Variants in PCLO observed in about 807,000 individuals in gnomAD.
PCLO encodes the protein piccolo presynaptic cytomatrix protein, also known as protein piccolo.
Under a neutral mutation model 427.5 loss-of-function variants are expected in PCLO, and 82 were observed. The ratio of observed to expected loss-of-function variants is 0.19; its 90% CI spans 0.16 to 0.23. The LOEUF (loss-of-function observed/expected upper bound fraction) is 0.23. PCLO is among the 10% of genes least tolerant of loss of function. PCLO has a pLI of 1.00. For missense variants in PCLO, 6,239 were observed against 6,115.9 expected (o/e 1.02, Z -0.67); for synonymous variants, 2,357 against 2,155.4 (o/e 1.09, Z -2.59).
chr7:82,823,517 G>T (rs191922528), intron 19 of PCLO, among the ~76,000 whole-genome samples: 1 of 152,294 alleles, frequency 6.6e-6, no homozygotes, highest in East Asian at 1.9e-4. Context: ...CACAGAGGCA[G>T]TAGCTCAGTT....
chr7:82,987,008 G>A (rs1796270050), intron 3 of PCLO, among the ~76,000 whole-genome samples: 1 of 151,810 alleles, frequency 6.6e-6, no homozygotes, highest in African/African-American at 2.4e-5. Flanking sequence ...CAAAACAGGT[G>A]AACTATTATA....
At chr7:82,789,939 T>G (rs1777701654) in intron 22 of PCLO, among the ~76,000 whole-genome samples, 1 of 152,230 alleles carries the variant, frequency 6.6e-6, no homozygotes. Flanking sequence ...TAAATCATAC[T>G]TGTGTTTAGT....
chr7:82,914,501 G>T (rs1232492262), intron 7 of PCLO, 185 bp downstream of exon 7: 1 of 668,524 alleles, frequency 1.5e-6, no homozygotes, highest in East Asian at 2.7e-5. Flanking sequence ...ACTAAATAAA[G>T]AAAAGCATGC....
chr7:82,900,005 A>C (rs1794001787), intron 9 of PCLO, among the ~76,000 whole-genome samples: 1 of 151,628 alleles, frequency 6.6e-6, no homozygotes, highest in Non-Finnish European at 1.5e-5. Context: ...GCTGGAGGAA[A>C]CTGAAATTCT....
intron 12 of PCLO, among the ~76,000 whole-genome samples, chr7:82,846,214 C>T (rs984275511): frequency 8.5e-5 from 13 of 152,110 alleles, no homozygotes; most frequent in East Asian, 3.9e-4. Context: ...GAATCAAGTA[C>T]GCTCTAAAAA....
chr7:82,893,857 T>C (rs1380932236), intron 9 of PCLO, among the ~76,000 whole-genome samples: 3 of 152,010 alleles, frequency 2.0e-5, no homozygotes, highest in Admixed American at 6.6e-5. Context: ...GGCTGGTATA[T>C]TAGAAAGAGG....
intron 20 of PCLO, among the ~76,000 whole-genome samples, chr7:82,814,252 TTAA>T (rs1319608330): frequency 1.3e-5 from 2 of 151,586 alleles, no homozygotes; most frequent in Non-Finnish European, 3.0e-5. Flanking sequence ...TTTGTCAATC[TTAA>T]TAATTATAAA....
chr7:82,951,628 G>T, intron 5 of PCLO, 138 bp from the exon 6 acceptor site: 1 of 857,050 alleles, frequency 1.2e-6, no homozygotes, highest in Non-Finnish European at 1.8e-6. Flanking sequence ...TATGCGGAAT[G>T]AAAGCAATGT....
intron 3 of PCLO, among the ~76,000 whole-genome samples, chr7:82,994,885 G>A (rs1297691413): frequency 6.6e-6 from 1 of 151,966 alleles, no homozygotes; most frequent in Admixed American, 6.6e-5. Flanking sequence ...TGGACTGAAT[G>A]TGGATAGTGA....
intron 8 of PCLO, 121 bp from the exon 9 acceptor site, chr7:82,902,862 T>C (rs1794082833): frequency 1.7e-6 from 1 of 598,892 alleles, no homozygotes; most frequent in African/African-American, 1.9e-5. Context: ...TAGTAGGAGA[T>C]TCTCACATGA....
intron 3 of PCLO, 24 bp downstream of exon 3, chr7:83,134,218 AATATATAT>A (rs61658777): frequency 1.9e-5 from 8 of 430,250 alleles, no homozygotes; most frequent in East Asian, 7.2e-5. Context: ...CTCCATATGT[AATATATAT>A]ATATATATAT....
chr7:83,160,927 T>C (rs1792420465), intron 1 of PCLO, among the ~76,000 whole-genome samples: 1 of 152,170 alleles, frequency 6.6e-6, no homozygotes, highest in African/African-American at 2.4e-5. Context: ...CACTAAATTT[T>C]TTTTCTTGTC....
chr7:82,871,526 A>G (rs1793238033), intron 10 of PCLO, among the ~76,000 whole-genome samples: 1 of 151,872 alleles, frequency 6.6e-6, no homozygotes, highest in Non-Finnish European at 1.5e-5. Context: ...AATAACTTCT[A>G]GAGTTTGATA....
In PCLO at chr7:82,966,386, T is replaced by A; in HGVS notation, c.3402A>T (p.Ala1134=). The part of the protein sequence containing the change: ...KMPPAPSGPK[A]SPMPVPTESS... Reference sequence around the variant, plus strand: ...ATTCTGTAGGAACAGGCATAGGAGATGCTTTGGGTCCTGATGGTGCAGGTG... The same window carrying A: ...ATTCTGTAGGAACAGGCATAGGAGAAGCTTTGGGTCCTGATGGTGCAGGTG... The change falls in exon 4 of 25, where the codon GCA becomes GCT. Residue 1134 remains alanine, a synonymous_variant. Transcript: ENST00000333891. 1 of 1,613,900 alleles carries A rather than the reference T, an allele frequency of 6.2e-7. No individual in the cohort carries two copies. The highest frequency in any genetic ancestry group is 8.5e-7 in the Non-Finnish European group (1 of 1,179,820).
At chr7:82,957,006 C>G (rs1427651126) in intron 4 of PCLO, 71 bp from the exon 5 acceptor site, 2 of 1,408,100 alleles carry the variant, frequency 1.4e-6, no homozygotes, top group Middle Eastern at 3.7e-4. Context: ...TCCATTACTA[C>G]CAAATAACTA....
chr7:82,916,876 A>G lies in PCLO; in HGVS notation c.11113-3T>C, dbSNP rs540038233. On this transcript the variant is annotated splice_region_variant and splice_polypyrimidine_tract_variant and intron_variant, in intron 6 of 24. Transcript: ENST00000333891. ...GTCATGGTTTGAGAACCTTTAGTCT[A>G]TAATCAAGTAAACAAAATATAGTAC... 2 of 1,599,698 alleles carry G rather than the reference A, an allele frequency of 1.3e-6. No homozygotes were observed. Among genetic ancestry groups the G allele is most frequent in the East Asian group, 4.5e-5 (2 of 44,762 alleles).
chr7:83,098,786 C>T (rs556402772), intron 3 of PCLO, among the ~76,000 whole-genome samples: 82 of 152,150 alleles, frequency 5.4e-4, no homozygotes, highest in Admixed American at 5.3e-3. Context: ...ATGTAATCTT[C>T]CTTTGTTGCT....
chr7:82,794,765 C>T (rs773605051), intron 22 of PCLO, among the ~76,000 whole-genome samples: 18 of 151,938 alleles, frequency 1.2e-4, no homozygotes, highest in Non-Finnish European at 1.9e-4. Context: ...TGAGCCACTG[C>T]GCCTGGCTCT....
rs34017885 is a variant in PCLO, at chr7:82,925,713, CTTTTT to C, written c.11113-8845_11113-8841del. On this transcript the variant is annotated intron_variant, in intron 6 of 24. Coordinates refer to ENST00000333891, the MANE Select transcript of PCLO (RefSeq NM_033026.6). ...TGCAAAAGCTCAAGAATTTTTGTTGCTTTTTTTTTTTTTTTTTTTTTTTTGAGACA... is the reference window on the plus strand; with the variant it reads ...TGCAAAAGCTCAAGAATTTTTGTTGCTTTTTTTTTTTTTTTTTTTGAGACA... Among the ~76,000 whole-genome samples, 320 of 79,010 alleles carry C rather than the reference CTTTTT, an allele frequency of 4.1e-3. 1 individual carries two copies. Among genetic ancestry groups the C allele is most frequent in the African/African-American group, 0.015 (309 of 20,650 alleles). 51.8% of individuals were successfully genotyped at this position (79,010 alleles called of 152,430 possible).
Sources: allele counts gnomAD v4.1 joint callset (sites outside exome capture counted in the v4.1 genomes callset), GRCh38; gene constraint gnomAD v4.1.1; transcripts MANE v1.5; gene names NCBI Gene and HGNC (gene_info 2026-07-23, HGNC 2026-07-21).